The following KIAA1217 variants were observed in gnomAD, a reference collection of about 807,000 sequenced individuals.
KIAA1217 encodes sickle tail protein homolog.
A neutral mutation model predicts 163.9 loss-of-function variants in KIAA1217; 88 were observed. That is an observed-to-expected ratio of 0.54 (90% confidence interval 0.45 to 0.64). KIAA1217 has a LOEUF of 0.64. Among genes scored for constraint, KIAA1217 ranks in the 30% least tolerant of loss-of-function variants. The pLI, the probability that KIAA1217 is intolerant of heterozygous loss-of-function variation, is 0.00. For missense variants in KIAA1217, 2,372 were observed against 2,475.0 expected (o/e 0.96, Z 0.88); for synonymous variants, 903 against 923.1 (o/e 0.98, Z 0.39).
At chr10:23,698,963 A>T (rs948380435) in intron 1 of KIAA1217, among the ~76,000 whole-genome samples, 1 of 152,126 alleles carries the variant, frequency 6.6e-6, no homozygotes, top group Non-Finnish European at 1.5e-5. Flanking sequence ...TTTTGTAGGC[A>T]CAGCCTCCTG....
At chr10:24,451,731 T>A (rs906626705) in intron 5 of KIAA1217, among the ~76,000 whole-genome samples, 2 of 152,212 alleles carry the variant, frequency 1.3e-5, no homozygotes, top group African/African-American at 4.8e-5. Context: ...TTTTGCCACA[T>A]CCCTCTGCCC....
At chr10:24,188,076 A>G (rs570487954) in intron 2 of KIAA1217, among the ~76,000 whole-genome samples, 69 of 152,142 alleles carry the variant, frequency 4.5e-4, no homozygotes, top group African/African-American at 1.6e-3. Context: ...CAGCGCCTGT[A>G]ATCCCAGCTA....
At chr10:23,816,346 G>T (rs1054592049) in intron 1 of KIAA1217, among the ~76,000 whole-genome samples, 1 of 152,160 alleles carries the variant, frequency 6.6e-6, no homozygotes, top group Non-Finnish European at 1.5e-5. Context: ...AGGCTGGAGT[G>T]CAGTGGTGCT....
Position 24,254,430 on chromosome 10 carries a change from G to C in KIAA1217, c.354+34521G>C, listed in dbSNP as rs1379509093. Among the ~76,000 whole-genome samples, 4 of 152,314 alleles carry C rather than the reference G, an allele frequency of 2.6e-5. No homozygotes were observed. The East Asian group carries it at 7.7e-4, about 29-fold the overall frequency. ...ACTCACAGTGACTCTTATCCAGCAG[G>C]ACGTATTCTTCAGAGGCCATGTGTT... On this transcript the variant is annotated intron_variant, in intron 2 of 20. Coordinates refer to ENST00000376454, the MANE Select transcript of KIAA1217 (RefSeq NM_019590.5).
chr10:24,266,889 T>C (rs6482381), intron 2 of KIAA1217, among the ~76,000 whole-genome samples: 115,022 of 152,112 alleles, frequency 0.76, 43,662 homozygotes, highest in Admixed American at 0.8. Context: ...TCCTTGCTAC[T>C]GCTCACGCTT....
intron 2 of KIAA1217, among the ~76,000 whole-genome samples, chr10:24,048,058 A>T (rs1295572110): frequency 6.6e-6 from 1 of 152,162 alleles, no homozygotes; most frequent in Non-Finnish European, 1.5e-5. Flanking sequence ...TCTTTATCTG[A>T]CTGCCTTTAG....
At chr10:24,514,077 A>G (rs1028648071) in intron 10 of KIAA1217, among the ~76,000 whole-genome samples, 11 of 152,202 alleles carry the variant, frequency 7.2e-5, no homozygotes, top group Non-Finnish European at 1.6e-4. Context: ...TCTTATTGAA[A>G]GCATCTATCA....
chr10:24,245,748 C>T (rs1239062179), intron 2 of KIAA1217, among the ~76,000 whole-genome samples: 1 of 152,018 alleles, frequency 6.6e-6, no homozygotes, highest in African/African-American at 2.4e-5. Flanking sequence ...CCTCCTGCCT[C>T]TGTCTCCCAA....
intron 5 of KIAA1217, among the ~76,000 whole-genome samples, chr10:24,461,258 T>TATATAACACTCCATCTAGCTGTTTTC: frequency 6.6e-6 from 1 of 152,198 alleles, no homozygotes; most frequent in African/African-American, 2.4e-5. Context: ...ATCCTAAAGT[T>TATATAACACTCCATCTAGCTGTTTTC]ATATAACACT....
At chr10:24,275,473 T>C (rs542109865) in intron 2 of KIAA1217, among the ~76,000 whole-genome samples, 25 of 152,312 alleles carry the variant, frequency 1.6e-4, no homozygotes, top group Non-Finnish European at 3.2e-4. Context: ...GGGAACGTGC[T>C]TGTTGGGAAA....
chr10:24,437,662 C>T (rs1175377745), intron 4 of KIAA1217, among the ~76,000 whole-genome samples: 1 of 152,120 alleles, frequency 6.6e-6, no homozygotes, highest in East Asian at 1.9e-4. Flanking sequence ...AGGCTCTGAT[C>T]CTGTCTTTTG....
chr10:23,908,997 A>G (rs979404144), intron 1 of KIAA1217, among the ~76,000 whole-genome samples: 1 of 152,188 alleles, frequency 6.6e-6, no homozygotes, highest in Non-Finnish European at 1.5e-5. Flanking sequence ...AAACATATAT[A>G]TAGAAAGAGG....
chr10:23,706,498 T>A (rs1836896211), intron 1 of KIAA1217, among the ~76,000 whole-genome samples: 1 of 152,192 alleles, frequency 6.6e-6, no homozygotes, highest in African/African-American at 2.4e-5. Flanking sequence ...TTGGATTTTT[T>A]GAAATGCTTT....
chr10:24,459,638 G>T (rs534000773), intron 5 of KIAA1217, among the ~76,000 whole-genome samples: 1 of 152,264 alleles, frequency 6.6e-6, no homozygotes, highest in African/African-American at 2.4e-5. Context: ...AGAAAGGGAT[G>T]TTGACCAGGC....
At chr10:23,749,013 A>G (rs117849153) in intron 1 of KIAA1217, among the ~76,000 whole-genome samples, 1,963 of 152,288 alleles carry the variant, frequency 0.013, 17 homozygotes, top group Middle Eastern at 0.037. Context: ...AGAGCTCGTC[A>G]TCACCTGCTG....
intron 2 of KIAA1217, among the ~76,000 whole-genome samples, chr10:24,376,754 T>TCTGA (rs1417337646): frequency 3.3e-5 from 5 of 152,084 alleles, no homozygotes; most frequent in African/African-American, 1.2e-4. Flanking sequence ...AGAGACCCTG[T>TCTGA]CTGACTGAAT....
intron 6 of KIAA1217, chr10:24,481,620 G>A (rs908511731): frequency 6.6e-6 from 1 of 152,112 alleles, no homozygotes; most frequent in Non-Finnish European, 1.5e-5. Flanking sequence ...GGCTTCCATG[G>A]GCCAGCTGGA....
intron 2 of KIAA1217, among the ~76,000 whole-genome samples, chr10:24,096,897 G>T (rs2062185190): frequency 6.6e-6 from 1 of 152,084 alleles, no homozygotes; most frequent in South Asian, 2.1e-4. Context: ...TTGCTTTCTA[G>T]AGCCAAGGAT....
In KIAA1217 at chr10:24,359,004, G is replaced by A. The variant is rs186320167; in HGVS notation, c.355-21865G>A. ...GAGATCTGTGAATGAGATCACAGTCGTCCTATAGTTAGCCAATGTGTTTGT... is the reference window on the plus strand; with the variant it reads ...GAGATCTGTGAATGAGATCACAGTCATCCTATAGTTAGCCAATGTGTTTGT... On this transcript the variant is annotated intron_variant, in intron 2 of 20. Coordinates refer to ENST00000376454, the MANE Select transcript of KIAA1217 (RefSeq NM_019590.5). 1.8e-4 allele frequency among the ~76,000 whole-genome samples: 27 copies of A among 151,164 alleles called. No individual in the cohort carries two copies. The East Asian group carries it at 3.3e-3, about 19-fold the overall frequency.
Sources: gnomAD v4.1 joint callset for allele counts (sites outside exome capture counted in the v4.1 genomes callset) on GRCh38, gnomAD v4.1.1 for gene constraint, MANE v1.5 for transcripts, NCBI Gene and HGNC (gene_info 2026-07-23, HGNC 2026-07-21) for gene names.